Variants in LIN9 observed in about 807,000 individuals in gnomAD.
LIN9 encodes the protein protein lin-9 homolog.
A neutral mutation model predicts 78.0 loss-of-function variants in LIN9; 18 were observed. The ratio of observed to expected loss-of-function variants is 0.23; its 90% CI spans 0.16 to 0.34. The LOEUF is 0.34. Ranked by LOEUF, LIN9 falls within the 10% of genes least tolerant of loss-of-function variation. The pLI is 1.00. For missense variants in LIN9, 451 were observed against 644.1 expected (o/e 0.70, Z 3.25); for synonymous variants, 192 against 215.2 (o/e 0.89, Z 0.94).
intron 2 of LIN9, among the ~76,000 whole-genome samples, chr1:226,298,333 C>T (rs1196086128): frequency 6.6e-6 from 1 of 152,172 alleles, no homozygotes; most frequent in African/African-American, 2.4e-5. Flanking sequence ...CTCAGCCTCC[C>T]CAGTAGTGGG....
chr1:226,244,037 G>A lies in LIN9; in HGVS notation c.1120-4941C>T, dbSNP rs1382104802. Among the ~76,000 whole-genome samples the A allele has an allele frequency of 1.3e-5, 2 of 151,440 alleles. 1 individual carries two copies. Among genetic ancestry groups the A allele is most frequent in the Admixed American group, 1.3e-4 (2 of 15,228 alleles). On this transcript the variant is annotated intron_variant, in intron 11 of 14. Coordinates refer to ENST00000681046, the MANE Select transcript of LIN9 (RefSeq NM_001366245.2). Reference sequence around the variant, plus strand: ...TTACAGGTGCAGGCTACCTGCGCCGGGCTAAGTTTTGTATTTTTACTAGAG... The same window carrying A: ...TTACAGGTGCAGGCTACCTGCGCCGAGCTAAGTTTTGTATTTTTACTAGAG...
intron 10 of LIN9, among the ~76,000 whole-genome samples, chr1:226,256,571 T>TATATA (rs538177083): frequency 6.7e-6 from 1 of 150,292 alleles, no homozygotes; most frequent in South Asian, 2.1e-4. Context: ...ATATATATAT[T>TATATA]TTTTTGAGAC....
chr1:226,231,721 C>A lies in LIN9; in HGVS notation c.*780G>T, dbSNP rs1176111647. On this transcript the variant is annotated 3_prime_UTR_variant, in exon 15 of 15. Transcript: ENST00000681046. ...AAAAAATATGAAAATAGTGTGTTATCATTTTTTTTTTAATAAATCTCACAA... is the reference window on the plus strand; with the variant it reads ...AAAAAATATGAAAATAGTGTGTTATAATTTTTTTTTTAATAAATCTCACAA... 1.3e-5 allele frequency: 2 copies of A among 154,828 alleles called. No homozygotes were observed. The highest frequency in any genetic ancestry group is 2.9e-5 in the Non-Finnish European group (2 of 69,864). The allele number at this position is 154,828 out of a possible 1,614,324, so 9.6% of individuals were successfully genotyped here.
At chr1:226,256,019 G>A (rs1186552511) in intron 10 of LIN9, among the ~76,000 whole-genome samples, 1 of 151,854 alleles carries the variant, frequency 6.6e-6, no homozygotes, top group African/African-American at 2.4e-5. Context: ...AGAATACCAA[G>A]CAGAAGAAAC....
At chr1:226,239,663 T>G (rs1318647538) in intron 11 of LIN9, among the ~76,000 whole-genome samples, 1 of 152,156 alleles carries the variant, frequency 6.6e-6, no homozygotes, top group Non-Finnish European at 1.5e-5. Context: ...ATCTATCTAG[T>G]GGGGTTGTTG....
intron 12 of LIN9, among the ~76,000 whole-genome samples, chr1:226,238,533 T>C (rs914640646): frequency 7.2e-5 from 11 of 151,848 alleles, no homozygotes; most frequent in Non-Finnish European, 1.3e-4. Flanking sequence ...GGTTGGGGGA[T>C]AGCTTGAGCC....
chr1:226,308,305 G>A (rs1663050367), intron 1 of LIN9, among the ~76,000 whole-genome samples: 1 of 152,028 alleles, frequency 6.6e-6, no homozygotes, highest in Non-Finnish European at 1.5e-5. Flanking sequence ...AGATGTCAGG[G>A]TGAGTAAACA....
At chr1:226,288,705 G>C (rs1471883754) in intron 4 of LIN9, among the ~76,000 whole-genome samples, 2 of 150,902 alleles carry the variant, frequency 1.3e-5, no homozygotes, top group Non-Finnish European at 2.9e-5. Context: ...TAAATATGTA[G>C]GAATATACTT....
intron 7 of LIN9, among the ~76,000 whole-genome samples, chr1:226,272,380 G>A (rs1335228515): frequency 6.9e-6 from 1 of 145,150 alleles, no homozygotes; most frequent in Non-Finnish European, 1.5e-5. Context: ...AATTGAAGTG[G>A]CTTTTTTTTT....
At chr1:226,270,102 T>A (rs1446188040) in intron 7 of LIN9, among the ~76,000 whole-genome samples, 1 of 152,062 alleles carries the variant, frequency 6.6e-6, no homozygotes, top group Non-Finnish European at 1.5e-5. Flanking sequence ...TTTTTTTGTA[T>A]TTTTAGTAGA....
intron 4 of LIN9, among the ~76,000 whole-genome samples, chr1:226,293,189 A>T (rs1661901382): frequency 6.6e-6 from 1 of 152,266 alleles, no homozygotes; most frequent in Non-Finnish European, 1.5e-5. Context: ...ACTAGTAAAG[A>T]GAAAACTCAG....
chr1:226,302,434 T>G (rs1228463851), intron 1 of LIN9, among the ~76,000 whole-genome samples: 1 of 151,634 alleles, frequency 6.6e-6, no homozygotes, highest in Admixed American at 6.6e-5. Flanking sequence ...TCCCAGCTAC[T>G]CGGGAGGCTG....
rs1244451605 is a variant in LIN9, at chr1:226,297,769, G to A, written c.109C>T (p.Gln37Ter). 4 of 1,594,996 alleles carry A rather than the reference G, an allele frequency of 2.5e-6. No homozygotes were observed. The highest frequency in any genetic ancestry group is 3.4e-6 in the Non-Finnish European group (4 of 1,172,540). ...NTWNEKYSSL[Q>*]KTPVWKGRNT... ...CTGCCTTTCCAAACAGGTGTTTTCT[G>A]TAAAGAACTGTACTTTTCATTCCAC... The change falls in exon 3 of 15, where the codon CAG becomes TAG. Residue 37 changes from glutamine to a stop codon, truncating the protein, a stop_gained. Transcript: ENST00000681046. LOFTEE classifies it high-confidence loss of function.
chr1:226,285,761 G>A (rs1236542409), intron 6 of LIN9, among the ~76,000 whole-genome samples: 2 of 152,056 alleles, frequency 1.3e-5, no homozygotes, highest in Non-Finnish European at 2.9e-5. Flanking sequence ...AGGCACTTCT[G>A]GGAAGGCTCC....
rs1023803439 is a variant in LIN9, at chr1:226,265,720, G to A, written c.937-86C>T. Reference sequence around the variant, plus strand: ...TTATTTTTATTTTTTTTTAGACGGAGTCTCGCTCTGTTGCCACTTGTGATC... The same window carrying A: ...TTATTTTTATTTTTTTTTAGACGGAATCTCGCTCTGTTGCCACTTGTGATC... On this transcript the variant is annotated intron_variant, in intron 9 of 14. Transcript: ENST00000681046. This position sits in a 1 kb window ranked among gnomAD's most constrained non-coding sequence, Gnocchi z 4.1. 8.7e-6 allele frequency: 6 copies of A among 689,694 alleles called. No individual in the cohort carries two copies. The African/African-American group carries it at 1.1e-4, about 13-fold the overall frequency. The allele number at this position is 689,694 out of a possible 1,614,324, so 42.7% of individuals were successfully genotyped here. A position where few individuals can be genotyped will look rare whatever the true frequency, so the allele number is the denominator to read the frequency against.
rs529610913 is a variant in LIN9, at chr1:226,287,938, T to C, written c.265-141A>G. 3 of 616,438 alleles carry C rather than the reference T, an allele frequency of 4.9e-6. No individual in the cohort carries two copies. The Admixed American group carries it at 1.0e-4, about 21-fold the overall frequency. 38.2% of individuals were successfully genotyped at this position (616,438 alleles called of 1,614,324 possible). ...TGATTCACTGATATTCAACATGGAATTTTGTTGCTGTTTTAAACACTCCGA... is the reference window on the plus strand; with the variant it reads ...TGATTCACTGATATTCAACATGGAACTTTGTTGCTGTTTTAAACACTCCGA... On this transcript the variant is annotated intron_variant, in intron 4 of 14. Coordinates refer to ENST00000681046, the MANE Select transcript of LIN9 (RefSeq NM_001366245.2).
At chr1:226,306,088 G>A (rs920346646) in intron 1 of LIN9, among the ~76,000 whole-genome samples, 1 of 152,082 alleles carries the variant, frequency 6.6e-6, no homozygotes, top group Non-Finnish European at 1.5e-5. Flanking sequence ...ACTTTGGGAG[G>A]TTGAGGCGGG....
Position 226,283,951 on chromosome 1 carries a change from A to AAG in LIN9, c.524+2380_524+2381dup, listed in dbSNP as rs200206974. Among the ~76,000 whole-genome samples the AAG allele has an allele frequency of 5.2e-3, 790 of 151,954 alleles. 6 individuals carry two copies. The highest frequency in any genetic ancestry group is 0.018 in the African/African-American group (750 of 41,476). On this transcript the variant is annotated intron_variant, in intron 6 of 14. Transcript: ENST00000681046. ...AGCAAGACTCCCATCTCAAAAAAAA[A>AAG]AGAGAGAGAGAGAGAAAGGCCTTTT...
intron 7 of LIN9, 27 bp from the exon 8 acceptor site, chr1:226,268,117 T>G (rs201854759): frequency 6.9e-5 from 111 of 1,604,824 alleles, no homozygotes; most frequent in Non-Finnish European, 1.5e-5. Flanking sequence ...GGCATTATGA[T>G]GTGTGGGAGA....
Sources: allele counts gnomAD v4.1 joint callset (sites outside exome capture counted in the v4.1 genomes callset), GRCh38; gene constraint gnomAD v4.1.1; non-coding constraint Gnocchi (gnomAD v3.1); transcripts MANE v1.5; gene names NCBI Gene and HGNC (gene_info 2026-07-23, HGNC 2026-07-21).